The following WWOX variants were observed in gnomAD, a reference collection of about 807,000 sequenced individuals.
WWOX encodes WW domain containing oxidoreductase, also known as WW domain-containing oxidoreductase.
Under a neutral mutation model 46.2 loss-of-function variants are expected in WWOX, and 69 were observed. The observed-to-expected ratio is 1.49, with a 90% CI of 1.23 to 1.82. The LOEUF (loss-of-function observed/expected upper bound fraction) is 1.82. Among genes scored for constraint, WWOX ranks in the 40% most tolerant of loss-of-function variants. WWOX has a pLI of 0.00. For missense variants in WWOX, 919 were observed against 542.6 expected (o/e 1.69, Z -6.89); for synonymous variants, 359 against 202.6 (o/e 1.77, Z -6.56).
chr16:78,784,339 C>G (rs1309315858), intron 8 of WWOX, among the ~76,000 whole-genome samples: 1 of 152,098 alleles, frequency 6.6e-6, no homozygotes. Context: ...GATGAGATTA[C>G]AGGTCCTCAG....
At chr16:79,208,251 C>A (rs1168972905) in intron 8 of WWOX, among the ~76,000 whole-genome samples, 1 of 152,150 alleles carries the variant, frequency 6.6e-6, no homozygotes, top group South Asian at 2.1e-4. Context: ...TTCTGGGCTT[C>A]CCAGAAATTC....
At chr16:79,077,651 T>TC (rs1337269333) in intron 8 of WWOX, 4 of 151,850 alleles carry the variant, frequency 2.6e-5, no homozygotes, top group African/African-American at 4.8e-5. Flanking sequence ...CCTTTTTTTT[T>TC]TTTTTCAAAC....
chr16:79,165,841 C>G (rs1224528550), intron 8 of WWOX, among the ~76,000 whole-genome samples: 1 of 152,138 alleles, frequency 6.6e-6, no homozygotes, highest in South Asian at 2.1e-4. Context: ...GTCGCCGAAC[C>G]GGGAACAGGG....
intron 8 of WWOX, among the ~76,000 whole-genome samples, chr16:79,065,733 T>G (rs1465239747): frequency 6.6e-6 from 1 of 152,220 alleles, no homozygotes; most frequent in Non-Finnish European, 1.5e-5. Context: ...AAGGCTGTTA[T>G]CATTCTTGCT....
At chr16:78,194,804 T>C (rs1428146539) in intron 5 of WWOX, among the ~76,000 whole-genome samples, 1 of 152,002 alleles carries the variant, frequency 6.6e-6, no homozygotes, top group African/African-American at 2.4e-5. Context: ...TAACTCCCGA[T>C]CCTTTTAAAC....
intron 6 of WWOX, among the ~76,000 whole-genome samples, chr16:78,388,003 C>G (rs1236547518): frequency 6.6e-6 from 1 of 152,026 alleles, no homozygotes; most frequent in Non-Finnish European, 1.5e-5. Flanking sequence ...ACCAGATATT[C>G]AAATGGCCCT....
chr16:78,357,007 G>A (rs12598336), intron 5 of WWOX, among the ~76,000 whole-genome samples: 16,078 of 152,176 alleles, frequency 0.11, 1,262 homozygotes, highest in East Asian at 0.3. Context: ...CTTTGCCTCA[G>A]TACTACTGGC....
intron 6 of WWOX, among the ~76,000 whole-genome samples, chr16:78,406,694 T>G (rs1396743788): frequency 6.6e-6 from 1 of 150,530 alleles, no homozygotes; most frequent in East Asian, 2.0e-4. Flanking sequence ...TGGCGCAATC[T>G]CGGCTCACTG....
intron 8 of WWOX, among the ~76,000 whole-genome samples, chr16:78,753,825 A>AAAAAT (rs2049556906): frequency 4.7e-5 from 1 of 21,350 alleles, no homozygotes; most frequent in African/African-American, 9.8e-5. Context: ...AAAAAAAAAA[A>AAAAAT]ATATATATAT....
intron 8 of WWOX, among the ~76,000 whole-genome samples, chr16:78,874,343 A>T (rs1166748291): frequency 6.6e-6 from 1 of 151,946 alleles, no homozygotes; most frequent in Non-Finnish European, 1.5e-5. Flanking sequence ...TCCTGAACAG[A>T]CATGATCTTG....
At chr16:78,433,271 C>T (rs1299742693) in intron 8 of WWOX, among the ~76,000 whole-genome samples, 1 of 151,982 alleles carries the variant, frequency 6.6e-6, no homozygotes, top group Non-Finnish European at 1.5e-5. Context: ...AGTGTGTTTT[C>T]TTCTTTACTT....
At chr16:79,186,185 A>T (rs2051010895) in intron 8 of WWOX, among the ~76,000 whole-genome samples, 1 of 152,120 alleles carries the variant, frequency 6.6e-6, no homozygotes, top group African/African-American at 2.4e-5. Context: ...CTGAGAAGAG[A>T]CATGAGCCAG....
intron 8 of WWOX, among the ~76,000 whole-genome samples, chr16:79,039,317 A>G (rs2047927379): frequency 1.3e-5 from 2 of 152,112 alleles, no homozygotes; most frequent in Admixed American, 1.3e-4. Context: ...TCCTGCCAGC[A>G]GAAGCCAAGT....
chr16:78,762,510 A>G (rs1210296915), intron 8 of WWOX, among the ~76,000 whole-genome samples: 2 of 152,192 alleles, frequency 1.3e-5, no homozygotes, highest in Non-Finnish European at 2.9e-5. Context: ...CAAAGACAAT[A>G]CGACCCAGCC....
chr16:78,385,134 A>AACACACACACACACACACACACAC lies in WWOX; in HGVS notation c.517-1722_517-1699dup, dbSNP rs61262578. ...GGGCGACAGAGTGAGACTCCATCTA[A>AACACACACACACACACACACACAC]ACACACACACACACACACACACACA... is the stretch of plus-strand genomic sequence containing the variant. On this transcript the variant is annotated intron_variant, in intron 5 of 8. Coordinates refer to ENST00000566780, the MANE Select transcript of WWOX (RefSeq NM_016373.4). Among the ~76,000 whole-genome samples, 1,311 of 143,088 alleles carry AACACACACACACACACACACACAC rather than the reference A, an allele frequency of 9.2e-3. 33 individuals are homozygous for AACACACACACACACACACACACAC. The highest frequency in any genetic ancestry group is 0.033 in the African/African-American group (1,178 of 36,178). 93.9% of individuals were successfully genotyped at this position (143,088 alleles called of 152,430 possible). A position where few individuals can be genotyped will look rare whatever the true frequency, so the allele number is the denominator to read the frequency against.
chr16:78,531,092 G>C (rs2043610260), intron 8 of WWOX, among the ~76,000 whole-genome samples: 1 of 152,106 alleles, frequency 6.6e-6, no homozygotes, highest in African/African-American at 2.4e-5. Flanking sequence ...TTGGTTCTTT[G>C]GAGTTGTTTG....
chr16:78,719,161 C>T (rs1180826315), intron 8 of WWOX, among the ~76,000 whole-genome samples: 2 of 152,182 alleles, frequency 1.3e-5, no homozygotes, highest in African/African-American at 2.4e-5. Context: ...TGATCTCTTT[C>T]TTCCCAAAGC....
At chr16:78,942,098 A>G (rs143498502) in intron 8 of WWOX, among the ~76,000 whole-genome samples, 4 of 152,248 alleles carry the variant, frequency 2.6e-5, no homozygotes, top group Admixed American at 2.0e-4. Flanking sequence ...CAAATTACGT[A>G]TGACTGTGAT....
At chr16:78,820,600 C>T (rs184639487) in intron 8 of WWOX, among the ~76,000 whole-genome samples, 2 of 152,196 alleles carry the variant, frequency 1.3e-5, no homozygotes, top group Admixed American at 6.5e-5. Flanking sequence ...AATATAATGA[C>T]AACCTTGGTG....
Sources: allele counts gnomAD v4.1 joint callset (sites outside exome capture counted in the v4.1 genomes callset), GRCh38; gene constraint gnomAD v4.1.1; transcripts MANE v1.5; gene names NCBI Gene and HGNC (gene_info 2026-07-23, HGNC 2026-07-21).